The following COL21A1 variants were observed in gnomAD, a reference collection of about 807,000 sequenced individuals.
COL21A1 encodes the protein collagen alpha-1(XXI) chain.
A neutral mutation model predicts 137.9 loss-of-function variants in COL21A1; 149 were observed. The observed-to-expected ratio is 1.08, with a 90% CI of 0.95 to 1.24. The LOEUF (loss-of-function observed/expected upper bound fraction) is 1.24. COL21A1 is among the 50% of genes most tolerant of loss of function. The pLI is 0.00. For missense variants in COL21A1, 1,167 were observed against 1,158.4 expected (o/e 1.01, Z -0.11); for synonymous variants, 456 against 391.5 (o/e 1.16, Z -1.95).
At chr6:56,111,847 C>T (rs1771457938) in intron 16 of COL21A1, among the ~76,000 whole-genome samples, 1 of 151,748 alleles carries the variant, frequency 6.6e-6, no homozygotes, top group Non-Finnish European at 1.5e-5. Context: ...GCACTTCAGC[C>T]TGGGTGTCAA....
At chr6:56,174,168 C>T (rs1777273076) in intron 3 of COL21A1, among the ~76,000 whole-genome samples, 1 of 151,724 alleles carries the variant, frequency 6.6e-6, no homozygotes, top group East Asian at 1.9e-4. Flanking sequence ...TTATGAGATG[C>T]AGGAAAACAG....
intron 1 of COL21A1, among the ~76,000 whole-genome samples, chr6:56,211,868 A>G (rs1023546177): frequency 2.7e-4 from 41 of 152,118 alleles, no homozygotes; most frequent in African/African-American, 9.2e-4. Flanking sequence ...TCAAAACCCA[A>G]TGAATATTTG....
At chr6:56,298,676 T>C (rs756002044) in intron 1 of COL21A1, among the ~76,000 whole-genome samples, 2 of 152,092 alleles carry the variant, frequency 1.3e-5, no homozygotes, top group Non-Finnish European at 2.9e-5. Context: ...GGAAGGAGTC[T>C]TCAGAGAAAC....
chr6:56,069,543 A>T (rs1422701579), intron 21 of COL21A1, among the ~76,000 whole-genome samples: 1 of 150,574 alleles, frequency 6.6e-6, no homozygotes, highest in Non-Finnish European at 1.5e-5. Flanking sequence ...AAATAATAGA[A>T]ATAATAAAAA....
intron 1 of COL21A1, among the ~76,000 whole-genome samples, chr6:56,211,547 A>G (rs116596532): frequency 9.2e-4 from 140 of 152,164 alleles, no homozygotes; most frequent in African/African-American, 3.2e-3. Context: ...GGAAAGTCCT[A>G]TATTGAATTA....
intron 12 of COL21A1, among the ~76,000 whole-genome samples, chr6:56,133,612 C>T (rs1315651421): frequency 6.6e-6 from 1 of 152,210 alleles, no homozygotes; most frequent in Non-Finnish European, 1.5e-5. Flanking sequence ...GTCTTCAGGG[C>T]ATGTCAGAGG....
chr6:56,322,353 CA>C (rs1764889244), intron 1 of COL21A1, among the ~76,000 whole-genome samples: 2 of 152,258 alleles, frequency 1.3e-5, no homozygotes, highest in Middle Eastern at 3.4e-3. Flanking sequence ...CCACCATATT[CA>C]CCTGACCTCT....
chr6:56,380,615 T>A (rs915499468), intron 1 of COL21A1, among the ~76,000 whole-genome samples: 61 of 152,228 alleles, frequency 4.0e-4, no homozygotes, highest in African/African-American at 1.4e-3. Flanking sequence ...ACAAGGTGAC[T>A]CTCTGCCTTC....
At chr6:56,158,922 T>C (rs905785849) in intron 9 of COL21A1, among the ~76,000 whole-genome samples, 3 of 152,206 alleles carry the variant, frequency 2.0e-5, no homozygotes, top group Non-Finnish European at 4.4e-5. Flanking sequence ...TGAATAAATG[T>C]AATTTGTAAT....
chr6:56,359,402 G>T (rs1581772231), intron 1 of COL21A1, among the ~76,000 whole-genome samples: 1 of 152,128 alleles, frequency 6.6e-6, no homozygotes, highest in Non-Finnish European at 1.5e-5. Flanking sequence ...GTGTTGTTCA[G>T]ATGATTACCC....
chr6:56,105,102 C>T (rs1241552365), intron 16 of COL21A1, among the ~76,000 whole-genome samples: 1 of 152,116 alleles, frequency 6.6e-6, no homozygotes, highest in Non-Finnish European at 1.5e-5. Flanking sequence ...TCCTAGCTGA[C>T]CAAGTAAACA....
chr6:56,144,806 T>A (rs143056726), intron 10 of COL21A1, among the ~76,000 whole-genome samples: 1 of 152,332 alleles, frequency 6.6e-6, no homozygotes, highest in Non-Finnish European at 1.5e-5. Context: ...GGAAAGACGA[T>A]GAATTTGAAA....
intron 1 of COL21A1, among the ~76,000 whole-genome samples, chr6:56,275,977 C>T (rs1318140854): frequency 2.6e-5 from 4 of 152,210 alleles, no homozygotes; most frequent in Non-Finnish European, 5.9e-5. Flanking sequence ...CAATCTAGTG[C>T]CCATTAACAG....
At chr6:56,163,625 C>T (rs1378865644) in intron 9 of COL21A1, among the ~76,000 whole-genome samples, 1 of 151,910 alleles carries the variant, frequency 6.6e-6, no homozygotes, top group Non-Finnish European at 1.5e-5. Flanking sequence ...AGGGAAATCG[C>T]TTGAACCCGG....
At chr6:56,204,484 G>GGGTTTATCTTATCAA (rs1421630588) in intron 1 of COL21A1, among the ~76,000 whole-genome samples, 3 of 152,112 alleles carry the variant, frequency 2.0e-5, no homozygotes, top group Non-Finnish European at 4.4e-5. Flanking sequence ...CCCCAGCCAG[G>GGGTTTATCTTATCAA]GTCTGATAAG....
chr6:56,159,159 G>C (rs544608270), intron 9 of COL21A1, among the ~76,000 whole-genome samples: 4 of 152,074 alleles, frequency 2.6e-5, no homozygotes, highest in African/African-American at 9.6e-5. Flanking sequence ...GAGTTAATAA[G>C]AGAAAATTAT....
intron 1 of COL21A1, among the ~76,000 whole-genome samples, chr6:56,198,043 C>CA (rs1044108211): frequency 6.6e-6 from 1 of 151,508 alleles, no homozygotes; most frequent in Non-Finnish European, 1.5e-5. Context: ...TTTAGACTTA[C>CA]AAAAAAAGGA....
chr6:56,273,428 G>A (rs1763573257), intron 1 of COL21A1, among the ~76,000 whole-genome samples: 1 of 152,126 alleles, frequency 6.6e-6, no homozygotes, highest in Non-Finnish European at 1.5e-5. Context: ...AAAGATCAAT[G>A]AAACCAAAAG....
chr6:56,324,371 C>G (rs893478559), intron 1 of COL21A1, among the ~76,000 whole-genome samples: 1 of 152,072 alleles, frequency 6.6e-6, no homozygotes, highest in East Asian at 1.9e-4. Flanking sequence ...AAGAGGTCTC[C>G]AGCCACCACA....
Sources: gnomAD v4.1 joint callset for allele counts (sites outside exome capture counted in the v4.1 genomes callset) on GRCh38, gnomAD v4.1.1 for gene constraint, MANE v1.5 for transcripts, NCBI Gene and HGNC (gene_info 2026-07-23, HGNC 2026-07-21) for gene names.